Variants in DNMBP observed in about 807,000 individuals in gnomAD.
The protein encoded by DNMBP is dynamin binding protein, also known as dynamin-binding protein.
In DNMBP, 87 loss-of-function variants were observed where a neutral mutation model predicts 150.0. The ratio of observed to expected loss-of-function variants is 0.58; its 90% CI spans 0.49 to 0.69. The LOEUF (loss-of-function observed/expected upper bound fraction) is 0.69. DNMBP is among the 30% of genes least tolerant of loss of function. The probability of loss-of-function intolerance (pLI) is 0.00; values close to 1 mark genes in which losing one functional copy is unlikely to be tolerated. For synonymous variants in DNMBP, 711 were observed against 750.4 expected (o/e 0.95, Z 0.86); for missense variants, 1,774 against 1,949.0 (o/e 0.91, Z 1.69).
chr10:99,944,466 T>A (rs754761788), intron 4 of DNMBP, among the ~76,000 whole-genome samples: 1 of 152,230 alleles, frequency 6.6e-6, no homozygotes, highest in African/African-American at 2.4e-5. Flanking sequence ...TACCTCTTAA[T>A]GTTTCTACTG....
At chr10:99,913,772 C>T (rs1273627526) in intron 4 of DNMBP, among the ~76,000 whole-genome samples, 1 of 152,090 alleles carries the variant, frequency 6.6e-6, no homozygotes, top group Non-Finnish European at 1.5e-5. Flanking sequence ...ACAACTCCAT[C>T]ACACACACTT....
chr10:100,007,115 CAA>C (rs879451709), intron 1 of DNMBP, among the ~76,000 whole-genome samples: 6 of 138,396 alleles, frequency 4.3e-5, no homozygotes, highest in South Asian at 2.3e-4. Context: ...ACTCTGTCTC[CAA>C]AAAAAAAAAA....
intron 6 of DNMBP, among the ~76,000 whole-genome samples, chr10:99,901,887 T>C (rs969531165): frequency 6.6e-6 from 1 of 152,160 alleles, no homozygotes; most frequent in Non-Finnish European, 1.5e-5. Context: ...TGGAAGTCCC[T>C]GTTCTTGTGC....
intron 6 of DNMBP, among the ~76,000 whole-genome samples, chr10:99,901,792 C>T (rs1422590733): frequency 1.3e-5 from 2 of 152,222 alleles, no homozygotes; most frequent in Non-Finnish European, 2.9e-5. Context: ...CCATCCCTAC[C>T]AGCTGTCCAG....
In DNMBP at chr10:99,955,260, A is replaced by G. The variant is rs749620915; in HGVS notation, c.2214T>C (p.Cys738=). 6.2e-7 allele frequency: 1 copy of G among 1,613,998 alleles called. No homozygotes were observed. Among genetic ancestry groups the G allele is most frequent in the Non-Finnish European group, 8.5e-7 (1 of 1,179,988 alleles). ...TATTCAAACTTTCAATGTTACTTTC[A>G]CAGAACTTGAGATCCTCGAGGGTCT... ...RAETLEDLKF[C]ESNIESLNME... is the part of the protein sequence containing the mutation. Residue 738 remains cysteine, a synonymous_variant, in exon 4 of 17, where the codon TGT becomes TGC. Transcript: ENST00000324109.
In DNMBP at chr10:99,935,432, G is replaced by T. The variant is rs535348916; in HGVS notation, c.2260+19782C>A. On this transcript the variant is annotated intron_variant, in intron 4 of 16. Coordinates refer to ENST00000324109, the MANE Select transcript of DNMBP (RefSeq NM_015221.4). ...GACAGGGCCTCTCTTTGTCACCCAG[G>T]TTGGAGTGCAGTGGTCCGATCATAG... 3.9e-5 allele frequency among the ~76,000 whole-genome samples: 6 copies of T among 152,178 alleles called. No individual in the cohort carries two copies. In the South Asian group the frequency reaches 1.2e-3, roughly 32 times the overall value.
intron 3 of DNMBP, among the ~76,000 whole-genome samples, chr10:99,963,200 C>T (rs1296362312): frequency 1.6e-4 from 25 of 151,986 alleles, no homozygotes; most frequent in African/African-American, 6.0e-4. Flanking sequence ...TCCTGAGTAG[C>T]TGGGACTACA....
intron 1 of DNMBP, among the ~76,000 whole-genome samples, chr10:99,980,255 G>A (rs373082475): frequency 6.6e-6 from 1 of 152,052 alleles, no homozygotes; most frequent in Non-Finnish European, 1.5e-5. Context: ...GACAAGCCTG[G>A]CCAACGTGGC....
At chr10:99,966,969 T>C (rs2040625130) in intron 3 of DNMBP, among the ~76,000 whole-genome samples, 1 of 151,342 alleles carries the variant, frequency 6.6e-6, no homozygotes, top group Non-Finnish European at 1.5e-5. Flanking sequence ...AATTTTTTTT[T>C]TTTTTTTTGT....
rs950348802 is a variant in DNMBP at position 99,875,939 on chromosome 10, T to C, written c.*1212A>G. 1.3e-5 allele frequency: 2 copies of C among 152,184 alleles called. No individual in the cohort carries two copies. The highest frequency in any genetic ancestry group is 4.8e-5 in the African/African-American group (2 of 41,444). 9.4% of individuals were successfully genotyped at this position (152,184 alleles called of 1,614,324 possible). A position where few individuals can be genotyped will look rare whatever the true frequency, so the allele number is the denominator to read the frequency against. ...AGGCACTTGGGAATCTGGCTTTGAA[T>C]GTCATCTCTGAAGCATGGAAGTTAG... On this transcript the variant is annotated 3_prime_UTR_variant, in exon 17 of 17. Transcript: ENST00000324109.
chr10:99,918,536 T>C (rs892769770), intron 4 of DNMBP, among the ~76,000 whole-genome samples: 1 of 150,672 alleles, frequency 6.6e-6, no homozygotes, highest in African/African-American at 2.4e-5. Flanking sequence ...GGACAACAAA[T>C]GAGGATCAAG....
intron 1 of DNMBP, among the ~76,000 whole-genome samples, chr10:99,986,839 TG>T (rs1047026046): frequency 3.8e-4 from 58 of 152,084 alleles, no homozygotes; most frequent in African/African-American, 1.3e-3. Context: ...AATTCAACAG[TG>T]GGAAGGTTCA....
At chr10:99,963,994 G>T (rs1589441516) in intron 3 of DNMBP, among the ~76,000 whole-genome samples, 1 of 152,002 alleles carries the variant, frequency 6.6e-6, no homozygotes, top group Non-Finnish European at 1.5e-5. Context: ...TTATTGGCCT[G>T]TTGTTTGAGG....
chr10:99,938,740 G>T (rs150874387), intron 4 of DNMBP, among the ~76,000 whole-genome samples: 16 of 152,270 alleles, frequency 1.1e-4, no homozygotes, highest in African/African-American at 3.6e-4. Flanking sequence ...CTGTGAATGG[G>T]TTGCCATTTT....
At chr10:99,895,599 C>T (rs2039641707) in intron 10 of DNMBP, among the ~76,000 whole-genome samples, 2 of 152,222 alleles carry the variant, frequency 1.3e-5, no homozygotes, top group East Asian at 1.9e-4. Flanking sequence ...CCAGGCTGCC[C>T]TCTTCACCCC....
chr10:99,963,648 A>G (rs2040587251), intron 3 of DNMBP, among the ~76,000 whole-genome samples: 1 of 146,558 alleles, frequency 6.8e-6, no homozygotes, highest in Non-Finnish European at 1.5e-5. Context: ...ACTCATGCAC[A>G]ATTAATCCCA....
chr10:99,955,644 T>C lies in DNMBP; in HGVS notation c.1830A>G (p.Pro610=). 1 of 1,614,214 alleles carries C rather than the reference T, an allele frequency of 6.2e-7. No individual in the cohort carries two copies. The highest frequency in any genetic ancestry group is 8.5e-7 in the Non-Finnish European group (1 of 1,180,032). Residue 610 remains proline (P), a synonymous_variant, in exon 4 of 17, where the codon CCA becomes CCG. Coordinates refer to ENST00000324109, the MANE Select transcript of DNMBP (RefSeq NM_015221.4). ...CCGGAGTACAGGGACGAGGTGGCGG[T>C]GGCCTTAGGGCCTTTCTCCTTTCCG... The part of the protein sequence containing the change: ...ELPERRKALR[P]PPPRPCTPVS...
At chr10:99,908,373 G>T (rs566595574) in intron 5 of DNMBP, among the ~76,000 whole-genome samples, 1 of 152,130 alleles carries the variant, frequency 6.6e-6, no homozygotes, top group Non-Finnish European at 1.5e-5. Context: ...ATTCCCACCC[G>T]CAACCAACAT....
chr10:99,979,565 C>T (rs776439389), intron 1 of DNMBP, among the ~76,000 whole-genome samples: 131 of 152,138 alleles, frequency 8.6e-4, no homozygotes, highest in Non-Finnish European at 1.1e-3. Flanking sequence ...TTAGTCCCCA[C>T]CAATTCCCAA....
Sources: gnomAD v4.1 joint callset for allele counts (sites outside exome capture counted in the v4.1 genomes callset) on GRCh38, gnomAD v4.1.1 for gene constraint, MANE v1.5 for transcripts, NCBI Gene and HGNC (gene_info 2026-07-23, HGNC 2026-07-21) for gene names.